C1QTNF7: variants seen among roughly 807,000 people sequenced by gnomAD.
C1QTNF7 encodes C1q and TNF related 7.
C1QTNF7 carries 15 observed loss-of-function variants against 19.6 expected under a neutral mutation model. The observed-to-expected ratio is 0.76, with a 90% confidence interval of 0.51 to 1.18. The LOEUF (loss-of-function observed/expected upper bound fraction) is 1.18, where lower values mean the gene tolerates loss of function less well. Ranked by LOEUF, C1QTNF7 falls within the 50% of genes most tolerant of loss-of-function variation. C1QTNF7 has a pLI of 0.00. For synonymous variants in C1QTNF7, 142 were observed against 137.5 expected (o/e 1.03, Z -0.23); for missense variants, 324 against 359.7 (o/e 0.90, Z 0.80).
At position 15,442,992 on chromosome 4, in the gene C1QTNF7, A is replaced by C. The variant is rs1179854626; in HGVS notation, c.*193A>C. On this transcript the variant is annotated 3_prime_UTR_variant, in exon 3 of 3. Transcript: ENST00000444304. The stretch of plus-strand genomic sequence containing the variant: ...ACAACAAAATGAATTCTATTAAAGA[A>C]TAGCCCCAGATATAAATTCTCTTGA... The C allele has an allele frequency of 6.4e-6, 3 of 467,610 alleles. No homozygotes were observed. The highest frequency in any genetic ancestry group is 1.1e-5 in the Non-Finnish European group (3 of 274,800). The allele number at this position is 467,610 out of a possible 1,614,324, so 29.0% of individuals were successfully genotyped here. A position where few individuals can be genotyped will look rare whatever the true frequency, so the allele number is the denominator to read the frequency against.
At chr4:15,388,376 G>T (rs1245250753) in intron 1 of C1QTNF7, among the ~76,000 whole-genome samples, 3 of 152,168 alleles carry the variant, frequency 2.0e-5, no homozygotes, top group African/African-American at 7.2e-5. Context: ...CAGAATGGTG[G>T]ATTAGCCAAA....
intron 1 of C1QTNF7, among the ~76,000 whole-genome samples, chr4:15,348,501 C>T: frequency 6.6e-6 from 1 of 152,136 alleles, no homozygotes; most frequent in African/African-American, 2.4e-5. Context: ...TAGCTCCAGG[C>T]AATACACTAA....
intron 1 of C1QTNF7, among the ~76,000 whole-genome samples, chr4:15,403,145 A>C (rs1268380587): frequency 6.6e-6 from 1 of 151,992 alleles, no homozygotes; most frequent in Non-Finnish European, 1.5e-5. Context: ...GCTTCCCCAA[A>C]ATACTATGCA....
At chr4:15,388,850 G>T (rs923559390) in intron 1 of C1QTNF7, among the ~76,000 whole-genome samples, 5 of 152,198 alleles carry the variant, frequency 3.3e-5, no homozygotes, top group African/African-American at 1.2e-4. Flanking sequence ...TTAGTAGATG[G>T]CATCATCCAG....
intron 1 of C1QTNF7, among the ~76,000 whole-genome samples, chr4:15,381,350 G>C (rs1718135109): frequency 6.6e-6 from 1 of 151,102 alleles, no homozygotes; most frequent in Non-Finnish European, 1.5e-5. Flanking sequence ...CTGGGAGGCA[G>C]AGCTTGCTGT....
At chr4:15,374,727 T>A (rs1717863669) in intron 1 of C1QTNF7, 4 of 985,354 alleles carry the variant, frequency 4.1e-6, no homozygotes, top group Non-Finnish European at 4.8e-6. Context: ...CTGCGCACAC[T>A]AGAGTTCAAA....
At chr4:15,403,170 C>T (rs1719057762) in intron 1 of C1QTNF7, among the ~76,000 whole-genome samples, 1 of 152,148 alleles carries the variant, frequency 6.6e-6, no homozygotes, top group South Asian at 2.1e-4. Context: ...CAGCAGTCGG[C>T]TCTGCTCAGA....
intron 1 of C1QTNF7, among the ~76,000 whole-genome samples, chr4:15,349,352 T>C (rs1716823809): frequency 6.6e-6 from 1 of 152,204 alleles, no homozygotes; most frequent in Non-Finnish European, 1.5e-5. Context: ...GCATTTACGC[T>C]GTATTTTCTG....
intron 1 of C1QTNF7, among the ~76,000 whole-genome samples, chr4:15,403,272 C>A (rs1447657998): frequency 1.3e-5 from 2 of 152,204 alleles, no homozygotes; most frequent in Non-Finnish European, 2.9e-5. Context: ...ATGTTGGTCT[C>A]ATTCTGTCTC....
intron 1 of C1QTNF7, among the ~76,000 whole-genome samples, chr4:15,403,198 C>T (rs569114035): frequency 1.3e-5 from 2 of 152,148 alleles, no homozygotes; most frequent in East Asian, 1.9e-4. Context: ...GCCCAGGCAG[C>T]GCAGCCCTTC....
intron 1 of C1QTNF7, among the ~76,000 whole-genome samples, chr4:15,357,483 T>A (rs985579458): frequency 1.3e-5 from 2 of 152,254 alleles, no homozygotes; most frequent in African/African-American, 2.4e-5. Flanking sequence ...GTTTTGTTAC[T>A]GCAGCCTTGT....
chr4:15,375,525 C>T (rs1276009762), intron 1 of C1QTNF7, among the ~76,000 whole-genome samples: 2 of 152,104 alleles, frequency 1.3e-5, no homozygotes. Context: ...ATAAGTATTT[C>T]AAATCAAATT....
At chr4:15,399,906 T>C (rs993644724) in intron 1 of C1QTNF7, among the ~76,000 whole-genome samples, 3 of 152,210 alleles carry the variant, frequency 2.0e-5, no homozygotes, top group Admixed American at 1.3e-4. Flanking sequence ...TTCTTCCCAA[T>C]ATTCCTGTGG....
At chr4:15,403,705 A>T (rs1044293420) in intron 1 of C1QTNF7, among the ~76,000 whole-genome samples, 3 of 152,176 alleles carry the variant, frequency 2.0e-5, no homozygotes, top group African/African-American at 7.2e-5. Flanking sequence ...TTTGGGGTAG[A>T]CACGTCTTTG....
intron 1 of C1QTNF7, among the ~76,000 whole-genome samples, chr4:15,379,255 C>T (rs959685404): frequency 1.3e-5 from 2 of 152,018 alleles, no homozygotes; most frequent in Non-Finnish European, 1.5e-5. Flanking sequence ...AGTTAATTTG[C>T]CTGTAGTGAA....
intron 1 of C1QTNF7, among the ~76,000 whole-genome samples, chr4:15,414,202 A>C (rs1719507713): frequency 1.3e-5 from 2 of 152,240 alleles, no homozygotes; most frequent in Admixed American, 6.5e-5. Context: ...TAAATAAACC[A>C]TTTATTATTT....
chr4:15,413,540 T>C (rs534458024), intron 1 of C1QTNF7, among the ~76,000 whole-genome samples: 7 of 152,250 alleles, frequency 4.6e-5, no homozygotes, highest in African/African-American at 1.7e-4. Context: ...GAAAACCCTG[T>C]GAGACCCAAT....
upstream of C1QTNF7, among the ~76,000 whole-genome samples, chr4:15,426,439 G>A (rs538563130): frequency 3.3e-5 from 5 of 152,198 alleles, no homozygotes; most frequent in East Asian, 9.6e-4. Context: ...GAAAGACACA[G>A]ATTACAATAA....
rs191756636 is a variant in C1QTNF7 at position 15,418,568 on chromosome 4, C to T, written c.14-17168C>T. 1.4e-4 allele frequency among the ~76,000 whole-genome samples: 21 copies of T among 152,284 alleles called. No homozygotes were observed. In the South Asian group the frequency reaches 3.9e-3, roughly 29 times the overall value. On this transcript the variant is annotated intron_variant, in intron 1 of 2. Coordinates refer to the C1QTNF7 transcript ENST00000295297. ...CTCAGGTATCCCCAGGTATCTCATC[C>T]TTAGAGTGACTTTCGCTGATCTCCC...
Sources: gnomAD v4.1 joint callset for allele counts (sites outside exome capture counted in the v4.1 genomes callset) on GRCh38, gnomAD v4.1.1 for gene constraint, MANE v1.5 for transcripts, NCBI Gene and HGNC (gene_info 2026-07-23, HGNC 2026-07-21) for gene names.